FUBP3: variants seen among roughly 807,000 people sequenced by gnomAD.
The protein encoded by FUBP3 is far upstream element binding protein 3, also known as far upstream element-binding protein 3.
Under a neutral mutation model 85.6 loss-of-function variants are expected in FUBP3, and 28 were observed. The observed-to-expected ratio is 0.33, with a 90% CI of 0.24 to 0.45. The LOEUF is 0.45. Ranked by LOEUF, FUBP3 falls within the 20% of genes least tolerant of loss-of-function variation. The pLI is 1.00. For synonymous variants in FUBP3, 271 were observed against 271.4 expected (o/e 1.00, Z 0.01); for missense variants, 583 against 755.1 (o/e 0.77, Z 2.67).
chr9:130,626,230 G>C, intron 11 of FUBP3, 134 bp from the exon 12 acceptor site: 1 of 870,634 alleles, frequency 1.1e-6, no homozygotes, highest in Non-Finnish European at 1.7e-6. Flanking sequence ...TTCAGAATGG[G>C]AAGTGTGGAA....
At chr9:130,617,702 G>A (rs1832078449) in intron 7 of FUBP3, 95 bp from the exon 8 acceptor site, 6 of 829,870 alleles carry the variant, frequency 7.2e-6, no homozygotes, top group Admixed American at 1.7e-5. Flanking sequence ...TGGGATGTGC[G>A]CTTATTGTGG....
intron 1 of FUBP3, chr9:130,580,732 T>C (rs1830100733): frequency 6.6e-6 from 1 of 152,224 alleles, no homozygotes. Flanking sequence ...TACATCTCTT[T>C]CCAGTATTCC....
intron 2 of FUBP3, among the ~76,000 whole-genome samples, chr9:130,608,708 G>C (rs1831586100): frequency 6.6e-6 from 1 of 152,200 alleles, no homozygotes; most frequent in South Asian, 2.1e-4. Context: ...CAATATTTTG[G>C]CTGTAGACCA....
At chr9:130,627,482 G>A (rs1022812490) in intron 12 of FUBP3, among the ~76,000 whole-genome samples, 2 of 152,348 alleles carry the variant, frequency 1.3e-5, no homozygotes, top group African/African-American at 4.8e-5. Flanking sequence ...CCAGAGCTGG[G>A]CAGGTGGGAG....
At position 130,617,852 on chromosome 9, in the gene FUBP3, C is replaced by A. The variant is rs755538900; in HGVS notation, c.623C>A (p.Ala208Glu). The change falls in exon 8 of 19, where the codon GCA (alanine) becomes GAA (glutamate). Residue 208 changes from alanine (A) to glutamate (E), a missense_variant. Physicochemically the swap from Ala to Glu is moderately radical, Grantham distance 107. This residue lies in a region of FUBP3 where 404 missense variants were observed against 516.8 expected (regional missense o/e 0.78). Transcript: ENST00000319725. ...CAGGATGGCCCATTGCCCACGGGAG[C>A]AGACAAGCCTCTTCGTATCACTGGA... ...MIQDGPLPTG[A>E]DKPLRITGDA... The A allele has an allele frequency of 8.1e-6, 13 of 1,608,720 alleles. No homozygotes were observed. The Admixed American group carries it at 2.2e-4, about 27-fold the overall frequency.
At chr9:130,581,369 T>A (rs921498079) in intron 1 of FUBP3, 5 of 152,220 alleles carry the variant, frequency 3.3e-5, no homozygotes, top group Admixed American at 2.6e-4. Flanking sequence ...GGAATTGTTC[T>A]CAGCTCTGAA....
At chr9:130,608,499 G>C (rs573809173) in intron 2 of FUBP3, among the ~76,000 whole-genome samples, 2 of 152,298 alleles carry the variant, frequency 1.3e-5, no homozygotes, top group South Asian at 4.1e-4. Context: ...ACATTATTCA[G>C]GGGCTGAGTC....
chr9:130,626,951 C>T (rs753760208), intron 12 of FUBP3, among the ~76,000 whole-genome samples: 2 of 152,192 alleles, frequency 1.3e-5, no homozygotes, highest in Admixed American at 6.5e-5. Flanking sequence ...GGTCTTGATC[C>T]GCGTAACATG....
Position 130,635,881 on chromosome 9 carries a change from C to A in FUBP3, c.1583-118C>A. ...ACACCAGCCTCACCTCACTGCCTCC[C>A]AGACCTCCCTGCCTTCCAGCCGTCC... On this transcript the variant is annotated intron_variant, in intron 17 of 18. Transcript: ENST00000319725. This position sits in a 1 kb window ranked among gnomAD's most constrained non-coding sequence, Gnocchi z 4.3. The A allele has an allele frequency of 9.3e-7, 1 of 1,074,344 alleles. No homozygotes were observed. The highest frequency in any genetic ancestry group is 1.4e-6 in the Non-Finnish European group (1 of 739,186). 66.6% of individuals were successfully genotyped at this position (1,074,344 alleles called of 1,614,324 possible). A position where few individuals can be genotyped will look rare whatever the true frequency, so the allele number is the denominator to read the frequency against.
intron 12 of FUBP3, among the ~76,000 whole-genome samples, chr9:130,628,323 CTT>C (rs1359512851): frequency 6.6e-6 from 1 of 152,212 alleles, no homozygotes; most frequent in Non-Finnish European, 1.5e-5. Flanking sequence ...CCAGCCTGCT[CTT>C]GTCAGCCAGG....
At chr9:130,629,172 A>G (rs1830112123) in intron 12 of FUBP3, among the ~76,000 whole-genome samples, 1 of 152,166 alleles carries the variant, frequency 6.6e-6, no homozygotes, top group Admixed American at 6.5e-5. Context: ...GGGCAGAGGT[A>G]AAGGTCCCCT....
chr9:130,630,849 A>G, intron 13 of FUBP3, 61 bp downstream of exon 13: 1 of 1,267,426 alleles, frequency 7.9e-7, no homozygotes, highest in Non-Finnish European at 1.1e-6. Flanking sequence ...TGGATGTCCA[A>G]GGTACCAGCT....
chr9:130,621,237 GCTTTGAGAGGCT>G (rs754134361), intron 9 of FUBP3, among the ~76,000 whole-genome samples: 8 of 150,940 alleles, frequency 5.3e-5, no homozygotes, highest in Non-Finnish European at 1.2e-4. Context: ...TAATCCCAGT[GCTTTGAGAGGCT>G]TAGGCAGGAG....
intron 12 of FUBP3, 27 bp downstream of exon 12, chr9:130,626,532 C>A (rs938378040): frequency 1.2e-6 from 2 of 1,607,780 alleles, no homozygotes; most frequent in South Asian, 2.2e-5. Context: ...GTTTCACATC[C>A]CCCCTCAGCT....
Position 130,617,818 on chromosome 9 carries a change from G to T in FUBP3, c.589G>T (p.Val197Phe). ...ACAGGAGCGGACAGGGGTGAAGATGGTCATGATCCAGGATGGCCCATTGCC... is the reference window on the plus strand; with the variant it reads ...ACAGGAGCGGACAGGGGTGAAGATGTTCATGATCCAGGATGGCCCATTGCC... Reference protein sequence around the residue: ...QLQERTGVKMVMIQDGPLPTG... With the variant: ...QLQERTGVKMFMIQDGPLPTG... The change falls in exon 8 of 19, where the codon GTC (valine) becomes TTC (phenylalanine). Residue 197 changes from valine to phenylalanine, a missense_variant. Physicochemically the swap from Val to Phe is conservative, Grantham distance 50. Coordinates refer to ENST00000319725, the MANE Select transcript of FUBP3 (RefSeq NM_003934.2). 1 of 1,604,604 alleles carries T rather than the reference G, an allele frequency of 6.2e-7. No individual in the cohort carries two copies. Among genetic ancestry groups the T allele is most frequent in the Non-Finnish European group, 8.5e-7 (1 of 1,171,310 alleles).
At chr9:130,629,694 G>A (rs1021082382) in intron 12 of FUBP3, among the ~76,000 whole-genome samples, 1 of 152,120 alleles carries the variant, frequency 6.6e-6, no homozygotes, top group African/African-American at 2.4e-5. Context: ...ATGGAGGAGG[G>A]GCCGACACTG....
rs752568892 is a variant in FUBP3, at chr9:130,579,660, GCGA to G, written c.-18_-16del. The G allele has an allele frequency of 1.7e-6, 2 of 1,203,342 alleles. No individual in the cohort carries two copies. The highest frequency in any genetic ancestry group is 2.1e-6 in the Non-Finnish European group (2 of 957,280). The allele number at this position is 1,203,342 out of a possible 1,614,324, so 74.5% of individuals were successfully genotyped here. A position where few individuals can be genotyped will look rare whatever the true frequency, so the allele number is the denominator to read the frequency against. On this transcript the variant is annotated 5_prime_UTR_variant, in exon 1 of 19. Coordinates refer to ENST00000319725, the MANE Select transcript of FUBP3 (RefSeq NM_003934.2). ...GGCGTCGGCGGCGTCGGCGGCGGCG[GCGA>G]CGGCGGCGGGGGCGGTAATGGCGGA...
intron 2 of FUBP3, among the ~76,000 whole-genome samples, chr9:130,599,011 G>A (rs913744157): frequency 7.2e-5 from 11 of 151,986 alleles, no homozygotes; most frequent in Non-Finnish European, 1.2e-4. Flanking sequence ...AAATAAATAA[G>A]GCCGGGCACT....
intron 1 of FUBP3, among the ~76,000 whole-genome samples, chr9:130,584,694 C>T (rs1048824411): frequency 1.3e-5 from 2 of 148,556 alleles, no homozygotes; most frequent in Non-Finnish European, 3.0e-5. Flanking sequence ...CATGGCAAAA[C>T]CCCGTCTCTA....
Sources: gnomAD v4.1 joint callset for allele counts (sites outside exome capture counted in the v4.1 genomes callset) on GRCh38, gnomAD v4.1.1 for gene constraint, gnomAD v4.1.1 regional missense constraint, Gnocchi (gnomAD v3.1) non-coding constraint, MANE v1.5 for transcripts, NCBI Gene and HGNC (gene_info 2026-07-23, HGNC 2026-07-21) for gene names.